The following PLCB1 variants were observed in gnomAD, a reference collection of about 807,000 sequenced individuals.
PLCB1 encodes the protein phospholipase C beta 1.
In PLCB1, 46 loss-of-function variants were observed where a neutral mutation model predicts 161.8. The observed-to-expected ratio is 0.28, with a 90% confidence interval of 0.22 to 0.36. PLCB1 has a LOEUF of 0.36. PLCB1 is among the 10% of genes least tolerant of loss of function. The pLI is 1.00. For missense variants in PLCB1, 1,016 were observed against 1,472.5 expected (o/e 0.69, Z 5.07); for synonymous variants, 517 against 503.7 (o/e 1.03, Z -0.35).
intron 3 of PLCB1, among the ~76,000 whole-genome samples, chr20:8,424,693 C>G (rs1472513114): frequency 6.6e-6 from 1 of 152,140 alleles, no homozygotes; most frequent in African/African-American, 2.4e-5. Context: ...ATGTGTTTAG[C>G]AAGTCTTCCA....
At chr20:8,572,170 A>G (rs1314336322) in intron 3 of PLCB1, among the ~76,000 whole-genome samples, 1 of 152,204 alleles carries the variant, frequency 6.6e-6, no homozygotes, top group African/African-American at 2.4e-5. Context: ...CATTTCATAG[A>G]TAGTACATGC....
In PLCB1 at chr20:8,765,309, A is replaced by G; in HGVS notation, c.2881A>G (p.Arg961Gly). The G allele has an allele frequency of 6.2e-7, 1 of 1,613,988 alleles. No individual in the cohort carries two copies. The highest frequency in any genetic ancestry group is 8.5e-7 in the Non-Finnish European group (1 of 1,179,982). ...KYNEIQNDYL[R>G]RRAALEKSAK... ...TAATGAAATTCAGAATGACTACTTG[A>G]GAAGGAGAGCCGCTTTGGAAAAGTC... The change falls in exon 26 of 32, where the codon AGA (arginine) becomes GGA (glycine). Residue 961 changes from arginine to glycine, a missense_variant. By Grantham distance (125) the Arg-to-Gly change is moderately radical. This residue lies in a region of PLCB1 where 398 missense variants were observed against 445.4 expected (regional missense o/e 0.89). Coordinates refer to ENST00000338037, the MANE Select transcript of PLCB1 (RefSeq NM_015192.4).
At chr20:8,545,984 C>T (rs1054804273) in intron 3 of PLCB1, among the ~76,000 whole-genome samples, 2 of 152,010 alleles carry the variant, frequency 1.3e-5, no homozygotes, top group African/African-American at 4.8e-5. Flanking sequence ...CTTTGTATGC[C>T]ATCATTGCAA....
chr20:8,544,922 T>G, intron 3 of PLCB1, among the ~76,000 whole-genome samples: 1 of 152,220 alleles, frequency 6.6e-6, no homozygotes, highest in East Asian at 1.9e-4. Context: ...ATTTGATATC[T>G]ACTTTTACAT....
At chr20:8,646,931 T>G (rs1384971151) in intron 5 of PLCB1, among the ~76,000 whole-genome samples, 11 of 152,222 alleles carry the variant, frequency 7.2e-5, no homozygotes. Flanking sequence ...TCCTCTATTT[T>G]GTTTAACAGA....
At chr20:8,638,395 G>T (rs1219920809) in intron 4 of PLCB1, among the ~76,000 whole-genome samples, 3 of 151,986 alleles carry the variant, frequency 2.0e-5, no homozygotes, top group Non-Finnish European at 4.4e-5. Flanking sequence ...CACAAGCAAG[G>T]AGAAAGGGCA....
At chr20:8,731,005 C>T (rs977384319) in intron 18 of PLCB1, among the ~76,000 whole-genome samples, 11 of 151,770 alleles carry the variant, frequency 7.2e-5, no homozygotes, top group Non-Finnish European at 1.6e-4. Context: ...AATCATATCT[C>T]ATTTCTCCAC....
intron 7 of PLCB1, among the ~76,000 whole-genome samples, chr20:8,650,262 A>G (rs1414590748): frequency 6.6e-6 from 1 of 152,064 alleles, no homozygotes; most frequent in Non-Finnish European, 1.5e-5. Context: ...CAAATTAAGG[A>G]CCAGCTAAAA....
chr20:8,424,611 AT>A (rs1251608734), intron 3 of PLCB1, among the ~76,000 whole-genome samples: 1 of 152,064 alleles, frequency 6.6e-6, no homozygotes, highest in African/African-American at 2.4e-5. Flanking sequence ...GCATTCTGTC[AT>A]CCCCAATATC....
rs1987809680 is a variant in PLCB1 at position 8,397,728 on chromosome 20, T to C, written c.246+26278T>C. 2.0e-5 allele frequency among the ~76,000 whole-genome samples: 3 copies of C among 152,164 alleles called. No homozygotes were observed. The South Asian group carries it at 6.2e-4, about 31-fold the overall frequency. On this transcript the variant is annotated intron_variant, in intron 3 of 31. Transcript: ENST00000338037. ...AAAATGTAACATTCTATCTATGTGC[T>C]TTTATAGGTTGCCTGTTTTACTTAA...
At chr20:8,448,486 C>A (rs991802893) in intron 3 of PLCB1, among the ~76,000 whole-genome samples, 5 of 152,114 alleles carry the variant, frequency 3.3e-5, no homozygotes, top group African/African-American at 4.8e-5. Context: ...CGGAAGAAGC[C>A]TGAGCTGGCA....
chr20:8,284,636 C>G (rs1457534111), intron 2 of PLCB1, among the ~76,000 whole-genome samples: 3 of 152,136 alleles, frequency 2.0e-5, no homozygotes, highest in African/African-American at 7.2e-5. Context: ...TTCTAAGGTA[C>G]TTTTTCTCTC....
At chr20:8,143,583 G>A (rs1280959657) in intron 1 of PLCB1, among the ~76,000 whole-genome samples, 1 of 152,228 alleles carries the variant, frequency 6.6e-6, no homozygotes, top group East Asian at 1.9e-4. Flanking sequence ...GTACAAGTGA[G>A]TATAGGAAGC....
intron 6 of PLCB1, 110 bp downstream of exon 6, chr20:8,648,063 G>A (rs1600224620): frequency 6.8e-6 from 5 of 733,198 alleles, no homozygotes; most frequent in Middle Eastern, 2.5e-4. Flanking sequence ...GTGTGGAAAT[G>A]CGTGGTAGCC....
chr20:8,446,770 A>T (rs1333153189), intron 3 of PLCB1, among the ~76,000 whole-genome samples: 3 of 152,164 alleles, frequency 2.0e-5, no homozygotes, highest in Admixed American at 6.5e-5. Context: ...TACTACTCAG[A>T]TTAGTAGCTC....
chr20:8,812,904 T>C (rs1346032326), intron 31 of PLCB1, among the ~76,000 whole-genome samples: 1 of 152,154 alleles, frequency 6.6e-6, no homozygotes, highest in Non-Finnish European at 1.5e-5. Flanking sequence ...TCATGGGAAG[T>C]GTGGCTCCTA....
chr20:8,232,141 A>C (rs536788797), intron 2 of PLCB1, among the ~76,000 whole-genome samples: 15 of 152,172 alleles, frequency 9.9e-5, no homozygotes, highest in African/African-American at 3.6e-4. Context: ...CAGGAGTTCA[A>C]GGCTGTAGTG....
chr20:8,512,514 T>C (rs1031618561), intron 3 of PLCB1, among the ~76,000 whole-genome samples: 2 of 152,280 alleles, frequency 1.3e-5, no homozygotes, highest in South Asian at 2.1e-4. Flanking sequence ...AATTCTGTGA[T>C]GTCAAAATCT....
At chr20:8,639,824 C>A (rs1988882205) in intron 4 of PLCB1, among the ~76,000 whole-genome samples, 2 of 148,074 alleles carry the variant, frequency 1.4e-5, no homozygotes, top group African/African-American at 2.5e-5. Flanking sequence ...CAAGGATCTG[C>A]AATATGAAAG....
Sources: gnomAD v4.1 joint callset for allele counts (sites outside exome capture counted in the v4.1 genomes callset) on GRCh38, gnomAD v4.1.1 for gene constraint, gnomAD v4.1.1 regional missense constraint, MANE v1.5 for transcripts, NCBI Gene and HGNC (gene_info 2026-07-23, HGNC 2026-07-21) for gene names.